SLC41A2: variants seen among roughly 807,000 people sequenced by gnomAD.
SLC41A2 encodes solute carrier family 41 member 2, also known as SLC41A1-like 1.
A neutral mutation model predicts 58.3 loss-of-function variants in SLC41A2; 32 were observed. The ratio of observed to expected loss-of-function variants is 0.55; its 90% CI spans 0.41 to 0.74. SLC41A2 has a LOEUF of 0.74. SLC41A2 is among the 30% of genes least tolerant of loss of function. The pLI is 0.00. For synonymous variants in SLC41A2, 190 were observed against 235.0 expected (o/e 0.81, Z 1.75); for missense variants, 514 against 680.6 (o/e 0.76, Z 2.72).
At chr12:104,900,988 C>T (rs550123470) in intron 3 of SLC41A2, among the ~76,000 whole-genome samples, 3 of 152,174 alleles carry the variant, frequency 2.0e-5, no homozygotes, top group Non-Finnish European at 2.9e-5. Flanking sequence ...CTGGCACACA[C>T]AGCAGTGCTT....
chr12:104,852,066 TATTTA>T (rs1383747198), intron 8 of SLC41A2: 1 of 152,002 alleles, frequency 6.6e-6, no homozygotes, highest in African/African-American at 2.4e-5. Flanking sequence ...GCGGCAAGAG[TATTTA>T]ACTACATAAT....
intron 1 of SLC41A2, among the ~76,000 whole-genome samples, chr12:104,938,888 G>C (rs925953808): frequency 6.6e-6 from 1 of 152,242 alleles, no homozygotes; most frequent in African/African-American, 2.4e-5. Context: ...GCAGTCTATG[G>C]ACAAGGAGTT....
intron 10 of SLC41A2, among the ~76,000 whole-genome samples, chr12:104,830,771 A>G (rs1005063855): frequency 6.6e-6 from 1 of 152,184 alleles, no homozygotes; most frequent in African/African-American, 2.4e-5. Context: ...ATGGGGGAAA[A>G]AATGAGCCTG....
chr12:104,926,403 C>G (rs1302741164), intron 2 of SLC41A2, among the ~76,000 whole-genome samples: 1 of 151,928 alleles, frequency 6.6e-6, no homozygotes, highest in Non-Finnish European at 1.5e-5. Context: ...GAGATTGAGA[C>G]CAGCCTAACC....
At chr12:104,951,410 A>C (rs985791296) in intron 1 of SLC41A2, 8 of 152,312 alleles carry the variant, frequency 5.3e-5, no homozygotes, top group African/African-American at 1.7e-4. Flanking sequence ...ATAAACCCTA[A>C]CTTAAAAACT....
intron 10 of SLC41A2, among the ~76,000 whole-genome samples, chr12:104,815,540 G>GT (rs1356531987): frequency 1.3e-5 from 2 of 152,132 alleles, no homozygotes; most frequent in Non-Finnish European, 2.9e-5. Context: ...ATTCCCTTGT[G>GT]TTAGCATCCC....
chr12:104,849,053 A>C (rs1313263237), intron 8 of SLC41A2, among the ~76,000 whole-genome samples: 1 of 152,214 alleles, frequency 6.6e-6, no homozygotes, highest in Non-Finnish European at 1.5e-5. Context: ...CATATCATGC[A>C]CAAAAATAAA....
chr12:104,821,071 C>T (rs2041617436), intron 10 of SLC41A2, among the ~76,000 whole-genome samples: 1 of 152,168 alleles, frequency 6.6e-6, no homozygotes, highest in Non-Finnish European at 1.5e-5. Flanking sequence ...ACAATGTGTA[C>T]AGTTTCTGTG....
chr12:104,832,733 T>C (rs977575602), intron 10 of SLC41A2, among the ~76,000 whole-genome samples: 3 of 152,028 alleles, frequency 2.0e-5, no homozygotes, highest in African/African-American at 7.2e-5. Flanking sequence ...AAGCAACTTA[T>C]ATCTAAGCTA....
At chr12:104,912,294 T>A (rs2046121123) in intron 2 of SLC41A2, among the ~76,000 whole-genome samples, 1 of 152,168 alleles carries the variant, frequency 6.6e-6, no homozygotes, top group Admixed American at 6.5e-5. Context: ...CCAGGTAGCT[T>A]CAGGATAGGG....
At chr12:104,927,650 A>G (rs2046896733) in intron 2 of SLC41A2, among the ~76,000 whole-genome samples, 1 of 152,160 alleles carries the variant, frequency 6.6e-6, no homozygotes, top group Non-Finnish European at 1.5e-5. Flanking sequence ...TAATGAGTAT[A>G]TATTAATTTT....
At chr12:104,952,486 C>T (rs945436855) in intron 1 of SLC41A2, among the ~76,000 whole-genome samples, 3 of 152,074 alleles carry the variant, frequency 2.0e-5, no homozygotes, top group African/African-American at 4.8e-5. Context: ...AGTTTACATC[C>T]GAGTTAAGAA....
Position 104,866,587 on chromosome 12 carries a change from T to TAAAAAAAAAAAAAAAA in SLC41A2, c.1028-24_1028-9dup, listed in dbSNP as rs34984157. 2 of 1,230,880 alleles carry TAAAAAAAAAAAAAAAA rather than the reference T, an allele frequency of 1.6e-6. No homozygotes were observed. The highest frequency in any genetic ancestry group is 2.2e-6 in the Non-Finnish European group (2 of 915,922). The allele number at this position is 1,230,880 out of a possible 1,614,324, so 76.2% of individuals were successfully genotyped here. A position where few individuals can be genotyped will look rare whatever the true frequency, so the allele number is the denominator to read the frequency against. On this transcript the variant is annotated splice_polypyrimidine_tract_variant and intron_variant, in intron 6 of 10. Transcript: ENST00000258538. ...AAATGTAGTAATAGGTCTCTAAAAT[T>TAAAAAAAAAAAAAAAA]AAAAAAAAAAAAAAAAAGAGAGACA...
At chr12:104,816,441 A>T (rs1396181139) in intron 10 of SLC41A2, among the ~76,000 whole-genome samples, 2 of 152,180 alleles carry the variant, frequency 1.3e-5, no homozygotes, top group Non-Finnish European at 2.9e-5. Context: ...TGCCAGGGTA[A>T]GACTCTGAGG....
intron 10 of SLC41A2, among the ~76,000 whole-genome samples, chr12:104,824,931 C>A (rs2041784352): frequency 6.6e-6 from 1 of 152,192 alleles, no homozygotes; most frequent in African/African-American, 2.4e-5. Flanking sequence ...TTCCGAAACT[C>A]CACCACCTTT....
Position 104,810,156 on chromosome 12 carries a change from G to GTGTT in SLC41A2, c.1537-4823_1537-4820dup, listed in dbSNP as rs528813142. On this transcript the variant is annotated intron_variant, in intron 10 of 10. Coordinates refer to ENST00000258538, the MANE Select transcript of SLC41A2 (RefSeq NM_001352171.3). ...ATAATATGTTGCTTCAGAGAGTAGA[G>GTGTT]TGTTAGGTTAAGGAAGAAAAGACCA... 8.5e-5 allele frequency among the ~76,000 whole-genome samples: 13 copies of GTGTT among 152,172 alleles called. No individual in the cohort carries two copies. In the South Asian group the frequency reaches 1.7e-3, roughly 19 times the overall value.
chr12:104,903,879 C>T (rs1237143290), intron 3 of SLC41A2, among the ~76,000 whole-genome samples: 1 of 152,174 alleles, frequency 6.6e-6, no homozygotes, highest in African/African-American at 2.4e-5. Context: ...AAGCTTCTCC[C>T]CTGTGCTGGG....
At chr12:104,896,037 G>A (rs113368174) in intron 3 of SLC41A2, among the ~76,000 whole-genome samples, 12 of 152,210 alleles carry the variant, frequency 7.9e-5, no homozygotes, top group African/African-American at 2.9e-4. Flanking sequence ...TAGTTGTTTG[G>A]AAAGCAACGA....
intron 1 of SLC41A2, among the ~76,000 whole-genome samples, chr12:104,942,939 G>T (rs1204205058): frequency 7.2e-5 from 11 of 152,122 alleles, no homozygotes; most frequent in Admixed American, 7.2e-4. Context: ...CATTTCAAAT[G>T]AGTAGAAATT....
Sources: gnomAD v4.1 joint callset for allele counts (sites outside exome capture counted in the v4.1 genomes callset) on GRCh38, gnomAD v4.1.1 for gene constraint, MANE v1.5 for transcripts, NCBI Gene and HGNC (gene_info 2026-07-23, HGNC 2026-07-21) for gene names.